Variants in SLC60A1 observed in about 807,000 individuals in gnomAD.
The protein encoded by SLC60A1 is major facilitator superfamily domain containing 4.
chr1:205,578,008 C>T, the SLC60A1 span, among the ~76,000 whole-genome samples: 1 of 152,242 alleles, frequency 6.6e-6, no homozygotes, highest in African/African-American at 2.4e-5. Flanking sequence ...GCAGCCCCTG[C>T]CCCTGTCAGT....
the SLC60A1 span, chr1:205,569,308 C>T: frequency 1.3e-6 from 2 of 1,486,432 alleles, no homozygotes; most frequent in African/African-American, 1.5e-5. Context: ...ACGTGAGTGC[C>T]GCGCCCGTGC....
At chr1:205,592,834 G>A in the SLC60A1 span, among the ~76,000 whole-genome samples, 2 of 152,342 alleles carry the variant, frequency 1.3e-5, no homozygotes, top group East Asian at 3.9e-4. Flanking sequence ...GTGCGATATG[G>A]ATGTGCTGGA....
chr1:205,569,309 G>GC, the SLC60A1 span: 1 of 1,482,836 alleles, frequency 6.7e-7, no homozygotes, highest in East Asian at 2.9e-5. Flanking sequence ...CGTGAGTGCC[G>GC]CGCCCGTGCG....
chr1:205,592,018 C>G, the SLC60A1 span: 33 of 1,361,786 alleles, frequency 2.4e-5, no homozygotes, highest in Admixed American at 6.7e-5. Context: ...GCGGGTCACA[C>G]AGCTGGGCTC....
At chr1:205,593,416 A>AGCCGAAATCCTGCCACT in the SLC60A1 span, among the ~76,000 whole-genome samples, 4 of 74,724 alleles carry the variant, frequency 5.4e-5, no homozygotes, top group African/African-American at 1.1e-4. Flanking sequence ...GCTTGCAGTG[A>AGCCGAAATCCTGCCACT]GCACTCCAGC....
the SLC60A1 span, chr1:205,584,126 A>G: frequency 6.2e-7 from 1 of 1,610,520 alleles, no homozygotes; most frequent in Non-Finnish European, 8.5e-7. Flanking sequence ...ACACCTAGGT[A>G]GGGGCTCTAA....
At chr1:205,569,980 G>A in the SLC60A1 span, among the ~76,000 whole-genome samples, 1 of 151,528 alleles carries the variant, frequency 6.6e-6, no homozygotes, top group Non-Finnish European at 1.5e-5. Flanking sequence ...GCCAGGTTGG[G>A]AGGGGCAGGG....
chr1:205,582,157 C>T, the SLC60A1 span, among the ~76,000 whole-genome samples: 1,329 of 152,314 alleles, frequency 8.7e-3, 31 homozygotes, highest in Admixed American at 0.054. Context: ...GCTTTGGGCC[C>T]GTTCCTTCCA....
At chr1:205,588,045 G>C in the SLC60A1 span, among the ~76,000 whole-genome samples, 2 of 152,152 alleles carry the variant, frequency 1.3e-5, no homozygotes, top group Non-Finnish European at 2.9e-5. Flanking sequence ...ATGTCCAGGA[G>C]GAGGCATAGC....
the SLC60A1 span, chr1:205,602,615 AG>A: frequency 6.5e-6 from 1 of 152,678 alleles, no homozygotes; most frequent in African/African-American, 2.4e-5. Flanking sequence ...CAAGTCAAGC[AG>A]ATCCAACTTT....
the SLC60A1 span, chr1:205,598,396 A>G: frequency 6.5e-6 from 1 of 153,104 alleles, no homozygotes; most frequent in Admixed American, 6.5e-5. Flanking sequence ...TATAATGTAG[A>G]TATTATTCCC....
the SLC60A1 span, among the ~76,000 whole-genome samples, chr1:205,588,711 G>T: frequency 6.6e-6 from 1 of 152,260 alleles, no homozygotes; most frequent in African/African-American, 2.4e-5. Flanking sequence ...TTCCTCTCTA[G>T]GTTAAATTAA....
At chr1:205,586,229 T>C in the SLC60A1 span, 1 of 1,612,022 alleles carries the variant, frequency 6.2e-7, no homozygotes, top group Non-Finnish European at 8.5e-7. Flanking sequence ...AATAGCCTCC[T>C]CTCTCTTCTG....
the SLC60A1 span, among the ~76,000 whole-genome samples, chr1:205,571,909 G>C: frequency 6.6e-6 from 1 of 152,188 alleles, no homozygotes; most frequent in Admixed American, 6.5e-5. Context: ...CGGGGGAGTG[G>C]GGGAAAGTTT....
the SLC60A1 span, chr1:205,599,140 G>C: frequency 6.2e-7 from 1 of 1,614,162 alleles, no homozygotes; most frequent in South Asian, 1.1e-5. Context: ...GATATTCCAG[G>C]CTCAGGGCAG....
chr1:205,587,225 G>T, the SLC60A1 span, among the ~76,000 whole-genome samples: 25,979 of 152,170 alleles, frequency 0.17, 2,309 homozygotes, highest in Admixed American at 0.22. Flanking sequence ...TCCCTTCCAA[G>T]GGGTTCACTG....
chr1:205,569,828 C>T, the SLC60A1 span, among the ~76,000 whole-genome samples: 2 of 152,158 alleles, frequency 1.3e-5, no homozygotes, highest in Non-Finnish European at 2.9e-5. Flanking sequence ...CCACTGTAGG[C>T]AGCTCCACAT....
At chr1:205,601,578 T>G in the SLC60A1 span, 12 of 152,196 alleles carry the variant, frequency 7.9e-5, no homozygotes, top group Non-Finnish European at 1.5e-4. Context: ...ATTTTACATC[T>G]TTTTTTGTTT....
the SLC60A1 span, chr1:205,569,093 G>A: frequency 6.7e-7 from 1 of 1,503,684 alleles, no homozygotes; most frequent in Non-Finnish European, 8.9e-7. Context: ...GCCGCGTGTC[G>A]GGGCTGCTCC....
Sources: gnomAD v4.1 joint callset for allele counts (sites outside exome capture counted in the v4.1 genomes callset) on GRCh38, gnomAD v4.1.1 for gene constraint, MANE v1.5 for transcripts, NCBI Gene and HGNC (gene_info 2026-07-23, HGNC 2026-07-21) for gene names.